The following ARHGEF28 variants were observed in gnomAD, a reference collection of about 807,000 sequenced individuals.
ARHGEF28 encodes the protein Rho guanine nucleotide exchange factor 28, also known as 190 kDa guanine nucleotide exchange factor.
ARHGEF28 carries 152 observed loss-of-function variants against 206.6 expected under a neutral mutation model. The observed-to-expected ratio is 0.74, with a 90% CI of 0.64 to 0.84. ARHGEF28 has a LOEUF of 0.84. Ranked by LOEUF, ARHGEF28 falls within the 40% of genes least tolerant of loss-of-function variation. ARHGEF28 has a pLI of 0.00. For synonymous variants in ARHGEF28, 763 were observed against 776.4 expected, an observed-to-expected ratio of 0.98 and a Z score of 0.29; for missense variants, 2,028 against 2,073.2, an observed-to-expected ratio of 0.98 and a Z score of 0.42.
At chr5:73,841,109 T>C (rs75739686) in intron 11 of ARHGEF28, among the ~76,000 whole-genome samples, 3,964 of 152,312 alleles carry the variant, frequency 0.026, 89 homozygotes, top group Non-Finnish European at 0.038. Flanking sequence ...AATTTGACAT[T>C]ATCTTGTAAA....
At chr5:73,651,276 G>A (rs960922380) in intron 1 of ARHGEF28, among the ~76,000 whole-genome samples, 1 of 152,158 alleles carries the variant, frequency 6.6e-6, no homozygotes, top group Admixed American at 6.5e-5. Context: ...GGTGACATTG[G>A]ACCCCAGTCT....
At chr5:73,712,360 A>G (rs1346197828) in intron 2 of ARHGEF28, among the ~76,000 whole-genome samples, 1 of 152,202 alleles carries the variant, frequency 6.6e-6, no homozygotes, top group Non-Finnish European at 1.5e-5. Flanking sequence ...AGGGAATAAA[A>G]TGGTAAATAA....
At chr5:73,890,041 T>C (rs1436129387) in intron 26 of ARHGEF28, among the ~76,000 whole-genome samples, 1 of 152,258 alleles carries the variant, frequency 6.6e-6, no homozygotes, top group Non-Finnish European at 1.5e-5. Context: ...GTTAGCCCTT[T>C]GCATTACTAG....
intron 9 of ARHGEF28, among the ~76,000 whole-genome samples, chr5:73,826,535 G>A (rs1756918079): frequency 6.6e-6 from 1 of 152,160 alleles, no homozygotes; most frequent in African/African-American, 2.4e-5. Context: ...CTGGGCGTGG[G>A]TCTCTTACAT....
At position 73,932,302 on chromosome 5, in the gene ARHGEF28, G is replaced by A. The variant is rs189847654; in HGVS notation, c.4949-8542G>A. Among the ~76,000 whole-genome samples, 15 of 152,204 alleles carry A rather than the reference G, an allele frequency of 9.9e-5. No homozygotes were observed. The East Asian group carries it at 1.2e-3, about 12-fold the overall frequency. On this transcript the variant is annotated intron_variant, in intron 35 of 35. Transcript: ENST00000513042. ...ATGGCGTAAAGAGCTTGAAGTTACC[G>A]CGTTAGCCTAGGAATTGCTAATAAT...
rs149496086 is a variant in ARHGEF28 at position 73,848,917 on chromosome 5, G to A, written c.1636-59G>A. On this transcript the variant is annotated intron_variant, in intron 12 of 35. Coordinates refer to ENST00000513042, the MANE Select transcript of ARHGEF28 (RefSeq NM_001177693.2). ...CAAATTTAGTAACATTTGAGGTGGT[G>A]AATATATATTTTCAGACCATGTATA... 1.2e-4 allele frequency: 150 copies of A among 1,221,462 alleles called. No individual in the cohort carries two copies. The African/African-American group carries it at 2.1e-3, about 17-fold the overall frequency. 75.7% of individuals were successfully genotyped at this position (1,221,462 alleles called of 1,614,324 possible).
intron 3 of ARHGEF28, among the ~76,000 whole-genome samples, chr5:73,752,073 G>T (rs1752043383): frequency 6.6e-6 from 1 of 152,198 alleles, no homozygotes; most frequent in Non-Finnish European, 1.5e-5. Flanking sequence ...GGGCAACAGG[G>T]TGCTATGAAC....
chr5:73,628,369 C>A (rs1025894500), intron 1 of ARHGEF28, among the ~76,000 whole-genome samples: 2 of 152,108 alleles, frequency 1.3e-5, no homozygotes, highest in Admixed American at 1.3e-4. Flanking sequence ...AGTTTATGAC[C>A]AAGGACTGAA....
intron 29 of ARHGEF28, 129 bp downstream of exon 29, chr5:73,894,704 G>A: frequency 5.3e-6 from 6 of 1,135,424 alleles, no homozygotes; most frequent in Non-Finnish European, 7.3e-6. Context: ...TTACTCGGCT[G>A]GAACTTATAT....
intron 1 of ARHGEF28, among the ~76,000 whole-genome samples, chr5:73,678,222 A>G (rs753017511): frequency 5.3e-5 from 8 of 152,168 alleles, no homozygotes; most frequent in Non-Finnish European, 1.0e-4. Flanking sequence ...TTTTTCTACA[A>G]TTAGTCTATG....
rs916216195 is a variant in ARHGEF28 at position 73,904,275 on chromosome 5, A to G, written c.4113+15A>G. 6.2e-7 allele frequency: 1 copy of G among 1,613,838 alleles called. No homozygotes were observed. On this transcript the variant is annotated intron_variant, in intron 32 of 35. Coordinates refer to ENST00000513042, the MANE Select transcript of ARHGEF28 (RefSeq NM_001177693.2). Reference sequence around the variant, plus strand: ...CACAATCAGAGGTGAGCTGCTGCACATACCTTAAATGTATCACCAGCCTTT... The same window carrying G: ...CACAATCAGAGGTGAGCTGCTGCACGTACCTTAAATGTATCACCAGCCTTT...
chr5:73,657,490 G>A (rs968050184), intron 1 of ARHGEF28, among the ~76,000 whole-genome samples: 1 of 151,906 alleles, frequency 6.6e-6, no homozygotes, highest in Non-Finnish European at 1.5e-5. Context: ...CAAAATATTC[G>A]ATCAGTCTAT....
intron 1 of ARHGEF28, among the ~76,000 whole-genome samples, chr5:73,633,129 T>G (rs1017150120): frequency 3.9e-5 from 6 of 152,124 alleles, no homozygotes; most frequent in African/African-American, 1.4e-4. Flanking sequence ...GAGAATCTAA[T>G]GTTGCCACTG....
chr5:73,846,163 AC>A lies in ARHGEF28; in HGVS notation c.1428-97del, dbSNP rs527446401. 5,336 of 943,638 alleles carry A rather than the reference AC, an allele frequency of 5.7e-3. 10 individuals are homozygous for A. The highest frequency in any genetic ancestry group is 0.012 in the Middle Eastern group (34 of 2,946). 58.5% of individuals were successfully genotyped at this position (943,638 alleles called of 1,614,324 possible). ...TGGAAATTAAATGAATACCTATTGC[AC>A]CCCCCCCGCCCCAGTGAAAGAATCT... On this transcript the variant is annotated intron_variant, in intron 11 of 35. Transcript: ENST00000513042.
chr5:73,761,202 A>G (rs55723416), intron 4 of ARHGEF28, among the ~76,000 whole-genome samples: 51,524 of 151,972 alleles, frequency 0.34, 9,668 homozygotes, highest in African/African-American at 0.5. Context: ...TTGCACGCAG[A>G]GGATTAAAGC....
At position 73,840,691 on chromosome 5, in the gene ARHGEF28, C is replaced by T; in HGVS notation, c.1358C>T (p.Ala453Val). The T allele has an allele frequency of 6.2e-7, 1 of 1,612,862 alleles. No homozygotes were observed. Among genetic ancestry groups the T allele is most frequent in the Non-Finnish European group, 8.5e-7 (1 of 1,179,334 alleles). The change falls in exon 11 of 36, where the codon GCT becomes GTT. Residue 453 changes from alanine to valine, a missense_variant. Physicochemically the swap from Ala to Val is moderately conservative, Grantham distance 64. Coordinates refer to ENST00000513042, the MANE Select transcript of ARHGEF28 (RefSeq NM_001177693.2). Reference protein sequence around the residue: ...QSFMSPSSSCASNLNLSFGWH... With the variant: ...QSFMSPSSSCVSNLNLSFGWH... Reference sequence around the variant, plus strand: ...TTCATGTCACCATCAAGTTCGTGTGCTTCCAACTTGAATCTTTCTTTTGGT... The same window carrying T: ...TTCATGTCACCATCAAGTTCGTGTGTTTCCAACTTGAATCTTTCTTTTGGT...
At chr5:73,733,317 A>G (rs946731282) in intron 2 of ARHGEF28, among the ~76,000 whole-genome samples, 4 of 152,256 alleles carry the variant, frequency 2.6e-5, no homozygotes, top group Non-Finnish European at 5.9e-5. Context: ...TTTGACTGTC[A>G]CTAAAATCTA....
chr5:73,933,945 TGTTTG>T (rs1764276250), intron 35 of ARHGEF28, among the ~76,000 whole-genome samples: 1 of 152,088 alleles, frequency 6.6e-6, no homozygotes, highest in Non-Finnish European at 1.5e-5. Flanking sequence ...CCCCTCAGTT[TGTTTG>T]AATTGGAATC....
At chr5:73,862,523 G>A (rs1042230867) in intron 16 of ARHGEF28, among the ~76,000 whole-genome samples, 1 of 151,992 alleles carries the variant, frequency 6.6e-6, no homozygotes, top group Non-Finnish European at 1.5e-5. Context: ...TTGATGTCTA[G>A]TTTAGCTATT....
Sources: gnomAD v4.1 joint callset for allele counts (sites outside exome capture counted in the v4.1 genomes callset) on GRCh38, gnomAD v4.1.1 for gene constraint, MANE v1.5 for transcripts, NCBI Gene and HGNC (gene_info 2026-07-23, HGNC 2026-07-21) for gene names.